GLRA3: variants seen among roughly 807,000 people sequenced by gnomAD.
The protein encoded by GLRA3 is glycine receptor alpha 3, also known as glycine receptor subunit alpha-3.
Under a neutral mutation model 60.4 loss-of-function variants are expected in GLRA3, and 44 were observed. The observed-to-expected ratio is 0.73, with a 90% CI of 0.57 to 0.94. The LOEUF is 0.94. Ranked by LOEUF, GLRA3 falls within the 40% of genes least tolerant of loss-of-function variation. GLRA3 has a pLI of 0.00. For missense variants in GLRA3, 508 were observed against 564.6 expected (o/e 0.90, Z 1.02); for synonymous variants, 223 against 192.9 (o/e 1.16, Z -1.29).
At chr4:174,658,908 A>T in intron 8 of GLRA3, 146 bp downstream of exon 8, 1 of 650,940 alleles carries the variant, frequency 1.5e-6, no homozygotes, top group Non-Finnish European at 2.5e-6. Flanking sequence ...TGACACTTTT[A>T]GTTTGGATTG....
intron 5 of GLRA3, among the ~76,000 whole-genome samples, chr4:174,690,432 C>G (rs577952249): frequency 6.6e-6 from 1 of 152,038 alleles, no homozygotes; most frequent in Non-Finnish European, 1.5e-5. Context: ...CAAAATCAGA[C>G]CTATGTGTGG....
chr4:174,820,388 T>G (rs546319266), intron 1 of GLRA3, among the ~76,000 whole-genome samples: 1 of 152,260 alleles, frequency 6.6e-6, no homozygotes, highest in South Asian at 2.1e-4. Context: ...AAATAGTGCT[T>G]CATGACAGAA....
intron 7 of GLRA3, among the ~76,000 whole-genome samples, chr4:174,667,017 T>TACTGCATG (rs1430461335): frequency 3.9e-5 from 6 of 152,076 alleles, no homozygotes; most frequent in African/African-American, 1.4e-4. Flanking sequence ...TTTGCTCTCA[T>TACTGCATG]ACTGCATGTC....
chr4:174,765,779 T>G (rs1351705390), intron 3 of GLRA3, among the ~76,000 whole-genome samples: 1 of 152,042 alleles, frequency 6.6e-6, no homozygotes, highest in Admixed American at 6.6e-5. Flanking sequence ...CACACATTCA[T>G]GTTAACTTAG....
rs534567809 is a variant in GLRA3, at chr4:174,813,328, C to T, written c.71+15413G>A. On this transcript the variant is annotated intron_variant, in intron 1 of 9. Coordinates refer to ENST00000274093, the MANE Select transcript of GLRA3 (RefSeq NM_006529.4). The stretch of plus-strand genomic sequence containing the variant: ...GAATTTTAATTAGGTGATGTGGGTC[C>T]TATCTCTGACTTTGCCACCAAAATT... Among the ~76,000 whole-genome samples the T allele has an allele frequency of 4.6e-5, 7 of 152,276 alleles. No homozygotes were observed. In the East Asian group the frequency reaches 9.6e-4, roughly 21 times the overall value.
At chr4:174,822,669 A>T (rs1740786618) in intron 1 of GLRA3, among the ~76,000 whole-genome samples, 1 of 152,156 alleles carries the variant, frequency 6.6e-6, no homozygotes, top group South Asian at 2.1e-4. Flanking sequence ...GTTGTATAAT[A>T]TTATCAGAAA....
At chr4:174,661,633 A>G (rs962574237) in intron 7 of GLRA3, among the ~76,000 whole-genome samples, 7 of 152,082 alleles carry the variant, frequency 4.6e-5, no homozygotes, top group African/African-American at 9.7e-5. Context: ...CCATCCCCCA[A>G]TGGCCCCACT....
intron 3 of GLRA3, among the ~76,000 whole-genome samples, chr4:174,730,786 AC>A (rs1199301441): frequency 6.6e-6 from 1 of 152,160 alleles, no homozygotes; most frequent in Non-Finnish European, 1.5e-5. Flanking sequence ...GTTATCATAT[AC>A]CCATTGTAAT....
chr4:174,784,481 C>CA (rs149538062), intron 2 of GLRA3, among the ~76,000 whole-genome samples: 36,179 of 137,526 alleles, frequency 0.26, 4,561 homozygotes, highest in Non-Finnish European at 0.31. Context: ...AAAAAAAATA[C>CA]AAAAAAAAAA....
At chr4:174,771,394 T>C (rs2111248936) in intron 2 of GLRA3, among the ~76,000 whole-genome samples, 1 of 152,234 alleles carries the variant, frequency 6.6e-6, no homozygotes, top group South Asian at 2.1e-4. Context: ...CAATCTTTCA[T>C]ATTTTCTAGG....
At chr4:174,698,081 G>A (rs1411411975) in intron 5 of GLRA3, among the ~76,000 whole-genome samples, 2 of 152,158 alleles carry the variant, frequency 1.3e-5, no homozygotes, top group African/African-American at 2.4e-5. Flanking sequence ...AATCATAACC[G>A]ACACTGTGAG....
rs2111420148 is a variant in GLRA3, at chr4:174,829,013, T to C, written c.-202A>G. 3.8e-6 allele frequency: 2 copies of C among 531,542 alleles called. No homozygotes were observed. Among genetic ancestry groups the C allele is most frequent in the Non-Finnish European group, 6.7e-6 (2 of 297,284 alleles). 32.9% of individuals were successfully genotyped at this position (531,542 alleles called of 1,614,324 possible). ...GCAGAAGTGGAGAGTCACAGTGTTA[T>C]AAATGTGCAGGTGATTTTTACAGTG... On this transcript the variant is annotated 5_prime_UTR_variant, in exon 1 of 10. Coordinates refer to ENST00000274093, the MANE Select transcript of GLRA3 (RefSeq NM_006529.4).
chr4:174,720,337 A>T lies in GLRA3; in HGVS notation c.492-4767T>A, dbSNP rs143453477. 4.6e-5 allele frequency among the ~76,000 whole-genome samples: 7 copies of T among 152,298 alleles called. No homozygotes were observed. In the East Asian group the frequency reaches 1.4e-3, roughly 29 times the overall value. On this transcript the variant is annotated intron_variant, in intron 4 of 9. Coordinates refer to ENST00000274093, the MANE Select transcript of GLRA3 (RefSeq NM_006529.4). The stretch of plus-strand genomic sequence containing the variant: ...GATTCTGTAAAAAAACAGAACGTAT[A>T]CTTTTCTTTAAAGGTAAAAATAACA...
At chr4:174,775,981 A>G (rs6553825) in intron 2 of GLRA3, among the ~76,000 whole-genome samples, 111,100 of 151,894 alleles carry the variant, frequency 0.73, 40,917 homozygotes, top group East Asian at 0.99. Flanking sequence ...AAATAAAAGC[A>G]AGCAGGGACT....
intron 3 of GLRA3, among the ~76,000 whole-genome samples, chr4:174,734,376 G>T (rs1736687776): frequency 6.6e-6 from 1 of 152,090 alleles, no homozygotes; most frequent in Admixed American, 6.6e-5. Flanking sequence ...TATACCATCT[G>T]CTCTAAGAAC....
chr4:174,823,957 T>C (rs1301845835), intron 1 of GLRA3, among the ~76,000 whole-genome samples: 1 of 152,220 alleles, frequency 6.6e-6, no homozygotes, highest in Non-Finnish European at 1.5e-5. Context: ...TACTTTTCCA[T>C]GTTCTGTTCC....
intron 4 of GLRA3, among the ~76,000 whole-genome samples, chr4:174,719,750 C>T (rs1331439263): frequency 6.6e-6 from 1 of 152,100 alleles, no homozygotes; most frequent in African/African-American, 2.4e-5. Context: ...AAAGCAATCT[C>T]ATTATTGTTG....
At chr4:174,759,770 T>C (rs1259146236) in intron 3 of GLRA3, among the ~76,000 whole-genome samples, 1 of 152,164 alleles carries the variant, frequency 6.6e-6, no homozygotes, top group Non-Finnish European at 1.5e-5. Context: ...TAAATTTCAT[T>C]ACAAATTATT....
chr4:174,737,532 T>C (rs1471514017), intron 3 of GLRA3, among the ~76,000 whole-genome samples: 2 of 41,868 alleles, frequency 4.8e-5, no homozygotes, highest in African/African-American at 9.3e-5. Context: ...GTTGTTGTTG[T>C]TGAGACAGTC....
Sources: gnomAD v4.1 joint callset for allele counts (sites outside exome capture counted in the v4.1 genomes callset) on GRCh38, gnomAD v4.1.1 for gene constraint, MANE v1.5 for transcripts, NCBI Gene and HGNC (gene_info 2026-07-23, HGNC 2026-07-21) for gene names.